The following CSMD1 variants were observed in gnomAD, a reference collection of about 807,000 sequenced individuals.
CSMD1 encodes the protein CUB and Sushi multiple domains 1.
A neutral mutation model predicts 417.5 loss-of-function variants in CSMD1; 213 were observed. The ratio of observed to expected loss-of-function variants is 0.51; its 90% confidence interval spans 0.46 to 0.57. CSMD1 has a LOEUF of 0.57. Among genes scored for constraint, CSMD1 ranks in the 20% least tolerant of loss-of-function variants. The pLI is 0.00. For missense variants in CSMD1, 6,923 were observed against 4,529.7 expected (o/e 1.53, Z -15.17); for synonymous variants, 2,862 against 1,736.8 (o/e 1.65, Z -16.11).
intron 12 of CSMD1, among the ~76,000 whole-genome samples, chr8:3,422,303 A>G (rs1391530540): frequency 6.6e-6 from 1 of 152,132 alleles, no homozygotes; most frequent in African/African-American, 2.4e-5. Context: ...TGCTCAGCCA[A>G]TAATTTGGGG....
chr8:3,818,247 G>C (rs535673078), intron 5 of CSMD1, among the ~76,000 whole-genome samples: 3 of 152,052 alleles, frequency 2.0e-5, no homozygotes, highest in African/African-American at 7.2e-5. Flanking sequence ...CCCTGGGTCC[G>C]TGCAGCACAG....
intron 25 of CSMD1, among the ~76,000 whole-genome samples, chr8:3,304,245 A>T (rs1804639401): frequency 2.0e-5 from 3 of 152,264 alleles, no homozygotes; most frequent in East Asian, 3.9e-4. Context: ...TATATGACTG[A>T]TGTATTTCTC....
At chr8:4,485,606 G>C (rs1325869843) in intron 2 of CSMD1, among the ~76,000 whole-genome samples, 2 of 152,054 alleles carry the variant, frequency 1.3e-5, no homozygotes, top group Non-Finnish European at 2.9e-5. Context: ...GCTAGAAAAT[G>C]GATAATGCTT....
intron 41 of CSMD1, among the ~76,000 whole-genome samples, chr8:3,134,844 G>A (rs1486161785): frequency 4.6e-5 from 7 of 152,172 alleles, no homozygotes; most frequent in Non-Finnish European, 7.3e-5. Context: ...TGTGAAATGT[G>A]CATAACCCTT....
intron 26 of CSMD1, among the ~76,000 whole-genome samples, chr8:3,249,288 C>A (rs866896172): frequency 1.3e-5 from 2 of 152,174 alleles, no homozygotes; most frequent in Non-Finnish European, 1.5e-5. Flanking sequence ...GCGGCGTGAT[C>A]TCAGTTCACT....
chr8:4,136,216 C>G (rs544606169), intron 3 of CSMD1, among the ~76,000 whole-genome samples: 31 of 152,274 alleles, frequency 2.0e-4, no homozygotes, highest in African/African-American at 7.0e-4. Context: ...AAATTGATCA[C>G]ATATATAGAA....
chr8:3,505,995 A>G (rs75911598), intron 10 of CSMD1, among the ~76,000 whole-genome samples: 10,143 of 152,300 alleles, frequency 0.067, 464 homozygotes, highest in Admixed American at 0.14. Flanking sequence ...AAATACACGT[A>G]TGTATATTTA....
At chr8:4,338,361 C>T (rs998920178) in intron 3 of CSMD1, among the ~76,000 whole-genome samples, 5 of 152,016 alleles carry the variant, frequency 3.3e-5, no homozygotes, top group African/African-American at 4.8e-5. Context: ...AGGAAACATA[C>T]AAAAATATCT....
intron 6 of CSMD1, among the ~76,000 whole-genome samples, chr8:3,722,031 A>G (rs891895684): frequency 1.3e-5 from 2 of 152,144 alleles, no homozygotes; most frequent in Non-Finnish European, 2.9e-5. Context: ...AGGTTGTACA[A>G]GTAGAGATGT....
chr8:3,512,165 G>A (rs1474376712), intron 10 of CSMD1, among the ~76,000 whole-genome samples: 1 of 152,190 alleles, frequency 6.6e-6, no homozygotes, highest in African/African-American at 2.4e-5. Context: ...GTCCTTGGCA[G>A]AATTTCTTAC....
chr8:4,960,277 ATTTG>A (rs1809389889), intron 1 of CSMD1, among the ~76,000 whole-genome samples: 1 of 152,196 alleles, frequency 6.6e-6, no homozygotes, highest in Non-Finnish European at 1.5e-5. Context: ...TATACATAAC[ATTTG>A]TTTAATTTTG....
chr8:3,049,231 G>A (rs1811656538), intron 50 of CSMD1, among the ~76,000 whole-genome samples: 2 of 152,172 alleles, frequency 1.3e-5, no homozygotes, highest in African/African-American at 4.8e-5. Context: ...TCAACCTTCG[G>A]TATTTACTCA....
At chr8:4,511,601 T>C (rs980538148) in intron 2 of CSMD1, among the ~76,000 whole-genome samples, 2 of 152,090 alleles carry the variant, frequency 1.3e-5, no homozygotes, top group Admixed American at 1.3e-4. Flanking sequence ...GCTCCCAAGA[T>C]TGGAGACACA....
chr8:4,456,975 GGTTT>G (rs1563196126), intron 2 of CSMD1, among the ~76,000 whole-genome samples: 4 of 50,308 alleles, frequency 8.0e-5, no homozygotes, highest in African/African-American at 2.1e-4. Context: ...TGATGAGTGT[GGTTT>G]TTTTTTAAAA....
At chr8:4,427,488 TAC>T (rs3056569) in intron 2 of CSMD1, among the ~76,000 whole-genome samples, 5,144 of 149,804 alleles carry the variant, frequency 0.034, 268 homozygotes, top group African/African-American at 0.11. Context: ...CTTAATCAAA[TAC>T]ACACACACAC....
At chr8:3,519,554 C>A (rs2117442103) in intron 10 of CSMD1, among the ~76,000 whole-genome samples, 1 of 152,246 alleles carries the variant, frequency 6.6e-6, no homozygotes, top group East Asian at 1.9e-4. Flanking sequence ...CCTTCCCCGC[C>A]ATGAGGACCA....
chr8:4,147,546 G>C (rs538613909), intron 3 of CSMD1, among the ~76,000 whole-genome samples: 7 of 152,214 alleles, frequency 4.6e-5, no homozygotes, highest in Admixed American at 1.3e-4. Flanking sequence ...ATTTTAATTA[G>C]TCATGTATAA....
rs377057217 is a variant in CSMD1, at chr8:3,032,256, AT to A, written c.7661-2744del. On this transcript the variant is annotated intron_variant, in intron 50 of 69. Transcript: ENST00000635120. ...TTTTTAAGAATGATAGGTAGAGAAC[AT>A]ACAAAAAAAACTGAGTTTGAATACT... Among the ~76,000 whole-genome samples, 671 of 152,110 alleles carry A rather than the reference AT, an allele frequency of 4.4e-3. 5 individuals are homozygous for A. Among genetic ancestry groups the A allele is most frequent in the African/African-American group, 0.015 (639 of 41,542 alleles).
chr8:3,551,677 C>A (rs972130436), intron 10 of CSMD1, among the ~76,000 whole-genome samples: 1 of 145,540 alleles, frequency 6.9e-6, no homozygotes, highest in Non-Finnish European at 1.5e-5. Flanking sequence ...TAGTTTCTTA[C>A]TCTATGTAAT....
Sources: gnomAD v4.1 joint callset for allele counts (sites outside exome capture counted in the v4.1 genomes callset) on GRCh38, gnomAD v4.1.1 for gene constraint, MANE v1.5 for transcripts, NCBI Gene and HGNC (gene_info 2026-07-23, HGNC 2026-07-21) for gene names.